RGS18: variants seen among roughly 807,000 people sequenced by gnomAD.
The protein encoded by RGS18 is regulator of G protein signaling 18.
RGS18 carries 22 observed loss-of-function variants against 27.6 expected under a neutral mutation model. The ratio of observed to expected loss-of-function variants is 0.80; its 90% CI spans 0.57 to 1.14. RGS18 has a LOEUF of 1.14. Ranked by LOEUF, RGS18 falls within the 50% of genes most tolerant of loss-of-function variation. The pLI, the probability that RGS18 is intolerant of heterozygous loss-of-function variation, is 0.00. For missense variants in RGS18, 299 were observed against 269.6 expected, an observed-to-expected ratio of 1.11 and a Z score of -0.76; for synonymous variants, 89 against 84.6, an observed-to-expected ratio of 1.05 and a Z score of -0.29.
At chr1:192,171,302 CAG>C (rs1013108233) in intron 3 of RGS18, among the ~76,000 whole-genome samples, 3 of 151,970 alleles carry the variant, frequency 2.0e-5, no homozygotes, top group Non-Finnish European at 4.4e-5. Context: ...TCTCAGTGGT[CAG>C]AGTTTGCCGA....
rs1454500714 is a variant in RGS18, at chr1:192,158,493, C to T, written c.-145C>T. Reference sequence around the variant, plus strand: ...GCATTTCTGCAGAGACAGAAAGAAACGCAGCTCTTGACTTCTTTTTTGTAA... The same window carrying T: ...GCATTTCTGCAGAGACAGAAAGAAATGCAGCTCTTGACTTCTTTTTTGTAA... On this transcript the variant is annotated 5_prime_UTR_variant, in exon 1 of 5. The change creates a new upstream start codon in the 5' untranslated region. Coordinates refer to ENST00000367460, the MANE Select transcript of RGS18 (RefSeq NM_130782.3). 2 of 654,768 alleles carry T rather than the reference C, an allele frequency of 3.1e-6. No individual in the cohort carries two copies. The highest frequency in any genetic ancestry group is 1.9e-5 in the African/African-American group (1 of 52,196). The allele number at this position is 654,768 out of a possible 1,614,324, so 40.6% of individuals were successfully genotyped here.
chr1:192,179,466 A>G (rs942548348), intron 3 of RGS18, among the ~76,000 whole-genome samples: 6 of 151,778 alleles, frequency 4.0e-5, no homozygotes, highest in South Asian at 2.1e-4. Context: ...TTCCAGATAA[A>G]TAAAGACTTG....
chr1:192,176,266 C>CA, intron 3 of RGS18, among the ~76,000 whole-genome samples: 1 of 151,952 alleles, frequency 6.6e-6, no homozygotes, highest in Non-Finnish European at 1.5e-5. Flanking sequence ...CACCCTTCTG[C>CA]ATGTTTCCTT....
At chr1:192,160,666 T>C (rs2102149639) in intron 3 of RGS18, 1 of 446,198 alleles carries the variant, frequency 2.2e-6, no homozygotes, top group East Asian at 3.4e-5. Flanking sequence ...AAATATTAGT[T>C]ATTTATACTG....
rs1182911237 is a variant in RGS18 at position 192,185,547 on chromosome 1, C to A, written c.*993C>A. ...AAAGTGTTATCTCATTGATTATATT[C>A]TTGTTAAGCAAATCTCCTTAAGTAA... On this transcript the variant is annotated 3_prime_UTR_variant, in exon 5 of 5. Coordinates refer to ENST00000367460, the MANE Select transcript of RGS18 (RefSeq NM_130782.3). 6.6e-6 allele frequency: 1 copy of A among 151,588 alleles called. No individual in the cohort carries two copies. The highest frequency in any genetic ancestry group is 1.9e-4 in the East Asian group (1 of 5,136). 9.4% of individuals were successfully genotyped at this position (151,588 alleles called of 1,614,324 possible).
chr1:192,160,418 G>T lies in RGS18; in HGVS notation c.262G>T (p.Asp88Tyr). ...EEAVKWGESF[D>Y]KLLSHRDGLE... is the part of the protein sequence containing the mutation. ...GGCAGTGAAATGGGGTGAATCATTTGACAAACTGCTTTCCCATAGAGGTTA... is the reference window on the plus strand; with the variant it reads ...GGCAGTGAAATGGGGTGAATCATTTTACAAACTGCTTTCCCATAGAGGTTA... Residue 88 changes from aspartate (D) to tyrosine (Y), a missense_variant, in exon 3 of 5, where the codon GAC (aspartate) becomes TAC (tyrosine). Coordinates refer to ENST00000367460, the MANE Select transcript of RGS18 (RefSeq NM_130782.3). The T allele has an allele frequency of 6.2e-7, 1 of 1,612,070 alleles. No homozygotes were observed. The highest frequency in any genetic ancestry group is 8.5e-7 in the Non-Finnish European group (1 of 1,178,348).
At position 192,159,318 on chromosome 1, in the gene RGS18, C is replaced by T. The variant is rs780346146; in HGVS notation, c.218C>T (p.Thr73Ile). 2.5e-6 allele frequency: 4 copies of T among 1,604,244 alleles called. No homozygotes were observed. Among genetic ancestry groups the T allele is most frequent in the Non-Finnish European group, 2.6e-6 (3 of 1,171,480 alleles). Reference sequence around the variant, plus strand: ...AGATCTGGGCACTTGGCCAAAGAAACAAGGTGAATAAATTTTCAGTATTTT... The same window carrying T: ...AGATCTGGGCACTTGGCCAAAGAAATAAGGTGAATAAATTTTCAGTATTTT... ...SSRSGHLAKE[T>I]RVSPEEAVKW... The change falls in exon 2 of 5, where the codon ACA becomes ATA. Residue 73 changes from threonine (T) to isoleucine (I), a missense_variant. Physicochemically the swap from Thr to Ile is moderately conservative, Grantham distance 89. Coordinates refer to ENST00000367460, the MANE Select transcript of RGS18 (RefSeq NM_130782.3).
intron 2 of RGS18, among the ~76,000 whole-genome samples, 179 bp downstream of exon 2, chr1:192,159,500 C>T (rs1297476643): frequency 6.6e-6 from 1 of 152,054 alleles, no homozygotes; most frequent in Admixed American, 6.6e-5. Context: ...TGAATTAAAT[C>T]GCTTGAATTG....
chr1:192,179,442 C>T (rs992893777), intron 3 of RGS18, among the ~76,000 whole-genome samples: 4 of 151,552 alleles, frequency 2.6e-5, no homozygotes, highest in African/African-American at 4.8e-5. Flanking sequence ...AGCAATTTCA[C>T]TCCTTGGAAT....
Position 192,162,279 on chromosome 1 carries a change from G to GT in RGS18, c.283+1847dup, listed in dbSNP as rs1346169980. Among the ~76,000 whole-genome samples, 13 of 151,690 alleles carry GT rather than the reference G, an allele frequency of 8.6e-5. No individual in the cohort carries two copies. In the South Asian group the frequency reaches 1.0e-3, roughly 12 times the overall value. On this transcript the variant is annotated intron_variant, in intron 3 of 4. Coordinates refer to ENST00000367460, the MANE Select transcript of RGS18 (RefSeq NM_130782.3). ...CTGTTTTTTGTTTGTTTTCTTTTTT[G>GT]TTTTTTTGGTTTGTTTGTTGTTTTG...
In RGS18 at chr1:192,159,293, A is replaced by G. The variant is rs34746017; in HGVS notation, c.193A>G (p.Arg65Gly). ...PEFHEDTRSS[R>G]SGHLAKETRV... ...GTTTCATGAAGACACCCGCTCCAGT[A>G]GATCTGGGCACTTGGCCAAAGAAAC... The change falls in exon 2 of 5, where the codon AGA becomes GGA. Residue 65 changes from arginine to glycine, a missense_variant. By Grantham distance (125) the Arg-to-Gly change is moderately radical. Coordinates refer to ENST00000367460, the MANE Select transcript of RGS18 (RefSeq NM_130782.3). 1.4e-4 allele frequency: 222 copies of G among 1,613,116 alleles called. No individual in the cohort carries two copies. The African/African-American group carries it at 2.8e-3, about 20-fold the overall frequency.
intron 3 of RGS18, among the ~76,000 whole-genome samples, chr1:192,170,510 G>A (rs1311789968): frequency 1.3e-5 from 2 of 152,042 alleles, no homozygotes; most frequent in Admixed American, 6.6e-5. Flanking sequence ...GAGCTGATGA[G>A]CCATGAGCTA....
intron 2 of RGS18, among the ~76,000 whole-genome samples, chr1:192,159,554 A>G (rs1656034308): frequency 6.6e-6 from 1 of 152,190 alleles, no homozygotes; most frequent in Admixed American, 6.5e-5. Context: ...AAAATTATAT[A>G]CCTGTCAGTT....
intron 3 of RGS18, among the ~76,000 whole-genome samples, chr1:192,161,166 A>G (rs904873193): frequency 6.6e-6 from 1 of 152,120 alleles, no homozygotes; most frequent in Non-Finnish European, 1.5e-5. Context: ...ACACAGTTTT[A>G]AAAAAAATTT....
In RGS18 at chr1:192,172,981, A is replaced by G. The variant is rs534643124; in HGVS notation, c.284-8311A>G. Reference sequence around the variant, plus strand: ...AGAAAATGAATATAAGACATATTCCATGTATCTGTTATAAAAATTAAATGA... The same window carrying G: ...AGAAAATGAATATAAGACATATTCCGTGTATCTGTTATAAAAATTAAATGA... On this transcript the variant is annotated intron_variant, in intron 3 of 4. Transcript: ENST00000367460. Among the ~76,000 whole-genome samples the G allele has an allele frequency of 7.4e-4, 112 of 150,622 alleles. 1 individual carries two copies. Among genetic ancestry groups the G allele is most frequent in the African/African-American group, 2.5e-3 (104 of 41,316 alleles).
At chr1:192,183,171 G>T (rs116204017) in intron 4 of RGS18, among the ~76,000 whole-genome samples, 1,955 of 151,544 alleles carry the variant, frequency 0.013, 45 homozygotes, top group African/African-American at 0.044. Flanking sequence ...TTTATAAAAA[G>T]GCAGCTAGTT....
Position 192,164,599 on chromosome 1 carries a change from A to G in RGS18, c.283+4160A>G, listed in dbSNP as rs181576812. Reference sequence around the variant, plus strand: ...AACAAATGTCCCATACCAACATAAGATATTAATAACAGGGAAATTGAATCG... The same window carrying G: ...AACAAATGTCCCATACCAACATAAGGTATTAATAACAGGGAAATTGAATCG... On this transcript the variant is annotated intron_variant, in intron 3 of 4. Transcript: ENST00000367460. 4.6e-4 allele frequency among the ~76,000 whole-genome samples: 70 copies of G among 152,296 alleles called. 1 individual carries two copies. The highest frequency in any genetic ancestry group is 9.1e-4 in the Non-Finnish European group (62 of 68,030).
chr1:192,171,350 C>T (rs866809487), intron 3 of RGS18, among the ~76,000 whole-genome samples: 7 of 152,020 alleles, frequency 4.6e-5, no homozygotes, highest in Non-Finnish European at 8.8e-5. Flanking sequence ...AGGCCTTCAT[C>T]AGACAGTTGT....
At chr1:192,163,102 C>T (rs1230604449) in intron 3 of RGS18, among the ~76,000 whole-genome samples, 3 of 152,084 alleles carry the variant, frequency 2.0e-5, no homozygotes, top group Admixed American at 6.6e-5. Context: ...TCAGCTTCCT[C>T]GACTGTAAAT....
Sources: allele counts gnomAD v4.1 joint callset (sites outside exome capture counted in the v4.1 genomes callset), GRCh38; gene constraint gnomAD v4.1.1; transcripts MANE v1.5; gene names NCBI Gene and HGNC (gene_info 2026-07-23, HGNC 2026-07-21).